PCDH9: variants seen among roughly 807,000 people sequenced by gnomAD.
PCDH9 encodes the protein protocadherin 9, also known as protocadherin-9.
A neutral mutation model predicts 70.6 loss-of-function variants in PCDH9; 24 were observed. That is an observed-to-expected ratio of 0.34 (90% CI 0.25 to 0.48). PCDH9 has a LOEUF of 0.48. Among genes scored for constraint, PCDH9 ranks in the 20% least tolerant of loss-of-function variants. The pLI is 0.99. For synonymous variants in PCDH9, 562 were observed against 558.5 expected (o/e 1.01, Z -0.09); for missense variants, 1,281 against 1,503.6 (o/e 0.85, Z 2.45).
chr13:66,619,192 T>C (rs1417019012), intron 4 of PCDH9, among the ~76,000 whole-genome samples: 2 of 152,128 alleles, frequency 1.3e-5, no homozygotes, highest in Admixed American at 6.5e-5. Context: ...AATAAAATGG[T>C]AGTAAAACAT....
intron 2 of PCDH9, among the ~76,000 whole-genome samples, chr13:66,940,913 C>T (rs2082997553): frequency 1.3e-5 from 2 of 151,744 alleles, no homozygotes; most frequent in East Asian, 1.9e-4. Context: ...ATTGCTTTTA[C>T]TCTTTAGGAT....
chr13:66,770,500 C>A (rs890093712), intron 3 of PCDH9, among the ~76,000 whole-genome samples: 4 of 152,192 alleles, frequency 2.6e-5, no homozygotes. Context: ...CTTTTCTCCA[C>A]CTGCTTCATG....
intron 4 of PCDH9, among the ~76,000 whole-genome samples, chr13:66,353,874 G>A (rs1052738355): frequency 2.6e-5 from 4 of 151,966 alleles, no homozygotes; most frequent in African/African-American, 9.7e-5. Flanking sequence ...TGTAAATATC[G>A]CATGCTTGGA....
chr13:67,044,010 C>T (rs550090891), intron 2 of PCDH9, among the ~76,000 whole-genome samples: 2 of 152,210 alleles, frequency 1.3e-5, no homozygotes, highest in Admixed American at 6.5e-5. Flanking sequence ...CAGCCAATTC[C>T]TAATTCAAGG....
At chr13:66,553,253 T>C (rs1018872188) in intron 4 of PCDH9, among the ~76,000 whole-genome samples, 1 of 152,212 alleles carries the variant, frequency 6.6e-6, no homozygotes, top group African/African-American at 2.4e-5. Context: ...ACCTTCCTTA[T>C]GCATCCTTGT....
intron 4 of PCDH9, among the ~76,000 whole-genome samples, chr13:66,542,717 T>A (rs1961017341): frequency 6.8e-6 from 1 of 147,272 alleles, no homozygotes; most frequent in East Asian, 2.0e-4. Flanking sequence ...AAAACATATA[T>A]ATGTTTAAAT....
chr13:66,323,224 C>T (rs749070936), intron 4 of PCDH9: 7 of 151,880 alleles, frequency 4.6e-5, no homozygotes, highest in Non-Finnish European at 1.0e-4. Flanking sequence ...CTCTAAGAAT[C>T]GTTTGAAATG....
At chr13:66,530,417 A>T (rs1960401935) in intron 4 of PCDH9, among the ~76,000 whole-genome samples, 1 of 152,160 alleles carries the variant, frequency 6.6e-6, no homozygotes, top group South Asian at 2.1e-4. Flanking sequence ...CATTGAGATA[A>T]ATTATGTCCA....
At chr13:66,855,357 C>T (rs1385935628) in intron 3 of PCDH9, among the ~76,000 whole-genome samples, 2 of 152,126 alleles carry the variant, frequency 1.3e-5, no homozygotes, top group Admixed American at 6.6e-5. Context: ...TAATGGATTA[C>T]GGATTGCTGT....
At chr13:66,861,522 T>G (rs2139480681) in intron 3 of PCDH9, among the ~76,000 whole-genome samples, 1 of 152,242 alleles carries the variant, frequency 6.6e-6, no homozygotes, top group South Asian at 2.1e-4. Flanking sequence ...ATGTCACAAG[T>G]TTTACTCTCC....
chr13:66,317,548 A>G (rs1382211134), intron 4 of PCDH9, among the ~76,000 whole-genome samples: 1 of 152,204 alleles, frequency 6.6e-6, no homozygotes, highest in Non-Finnish European at 1.5e-5. Flanking sequence ...TAATTTCTTT[A>G]ACCATCAGAG....
chr13:67,080,329 AC>A (rs2085958793), intron 2 of PCDH9, among the ~76,000 whole-genome samples: 1 of 152,234 alleles, frequency 6.6e-6, no homozygotes, highest in African/African-American at 2.4e-5. Flanking sequence ...AGCTTTATTA[AC>A]AAATTACCCA....
At chr13:66,563,393 G>C (rs34394369) in intron 4 of PCDH9, among the ~76,000 whole-genome samples, 40,205 of 151,968 alleles carry the variant, frequency 0.26, 5,591 homozygotes, top group South Asian at 0.35. Flanking sequence ...CTTATCACTT[G>C]ATTGCTACTA....
chr13:67,028,835 T>C (rs1224676514), intron 2 of PCDH9, among the ~76,000 whole-genome samples: 1 of 152,152 alleles, frequency 6.6e-6, no homozygotes, highest in Non-Finnish European at 1.5e-5. Flanking sequence ...ATCTATAAAT[T>C]TAAACAGGAG....
At chr13:66,305,889 A>G (rs547570256) in intron 4 of PCDH9, among the ~76,000 whole-genome samples, 31 of 152,244 alleles carry the variant, frequency 2.0e-4, no homozygotes, top group African/African-American at 7.5e-4. Context: ...CATACATTTT[A>G]ACCAGGATTT....
intron 2 of PCDH9, among the ~76,000 whole-genome samples, chr13:67,192,416 C>T (rs2088942300): frequency 6.6e-6 from 1 of 152,142 alleles, no homozygotes. Flanking sequence ...CGATCCCAGT[C>T]AGAAATAATA....
At chr13:66,499,167 T>A (rs886318898) in intron 4 of PCDH9, among the ~76,000 whole-genome samples, 13 of 152,060 alleles carry the variant, frequency 8.5e-5, no homozygotes, top group African/African-American at 3.1e-4. Flanking sequence ...GTATTACATT[T>A]AAAACATAAT....
intron 4 of PCDH9, among the ~76,000 whole-genome samples, chr13:66,583,650 T>C (rs1341135071): frequency 6.6e-6 from 1 of 152,156 alleles, no homozygotes; most frequent in African/African-American, 2.4e-5. Context: ...TGAAATAGTT[T>C]GTTATTTCTT....
chr13:67,178,948 A>T (rs1316485666), intron 2 of PCDH9, among the ~76,000 whole-genome samples: 1 of 152,088 alleles, frequency 6.6e-6, no homozygotes, highest in African/African-American at 2.4e-5. Flanking sequence ...CAAAAATAAA[A>T]CAATGCAAAG....
Sources: allele counts gnomAD v4.1 joint callset (sites outside exome capture counted in the v4.1 genomes callset), GRCh38; gene constraint gnomAD v4.1.1; transcripts MANE v1.5; gene names NCBI Gene and HGNC (gene_info 2026-07-23, HGNC 2026-07-21).